The following CDK19 variants were observed in gnomAD, a reference collection of about 807,000 sequenced individuals.
The protein encoded by CDK19 is cyclin dependent kinase 19.
A neutral mutation model predicts 68.3 loss-of-function variants in CDK19; 20 were observed. The observed-to-expected ratio is 0.29, with a 90% CI of 0.21 to 0.43. The LOEUF is 0.43. Among genes scored for constraint, CDK19 ranks in the 20% least tolerant of loss-of-function variants. The probability of loss-of-function intolerance (pLI) is 1.00; values close to 1 mark genes in which losing one functional copy is unlikely to be tolerated. For synonymous variants in CDK19, 221 were observed against 222.8 expected, an observed-to-expected ratio of 0.99 and a Z score of 0.07; for missense variants, 339 against 623.5, an observed-to-expected ratio of 0.54 and a Z score of 4.86.
chr6:110,671,568 T>G (rs1771014489), intron 2 of CDK19, among the ~76,000 whole-genome samples: 1 of 152,172 alleles, frequency 6.6e-6, no homozygotes, highest in Non-Finnish European at 1.5e-5. Context: ...AACCCAAGGC[T>G]CAGTGTGATA....
chr6:110,628,083 C>T (rs1246772201), intron 6 of CDK19, among the ~76,000 whole-genome samples: 5 of 152,160 alleles, frequency 3.3e-5, no homozygotes, highest in East Asian at 1.9e-4. Flanking sequence ...TGGTGGCACA[C>T]GCCTGTAGTC....
chr6:110,665,253 G>C (rs2114396727), intron 4 of CDK19, among the ~76,000 whole-genome samples: 2 of 152,258 alleles, frequency 1.3e-5, no homozygotes, highest in South Asian at 4.1e-4. Context: ...GCCTGAACTA[G>C]GAATGAGGAC....
chr6:110,649,089 T>TAA (rs552439613), intron 4 of CDK19, among the ~76,000 whole-genome samples: 10 of 146,906 alleles, frequency 6.8e-5, no homozygotes, highest in Non-Finnish European at 1.2e-4. Context: ...TTCGATACAG[T>TAA]AAAAAAAAAA....
At chr6:110,718,852 A>C (rs1775608093) in intron 2 of CDK19, among the ~76,000 whole-genome samples, 1 of 152,152 alleles carries the variant, frequency 6.6e-6, no homozygotes, top group Non-Finnish European at 1.5e-5. Context: ...CTGACTGTAA[A>C]GGAACTAAAA....
At chr6:110,729,872 G>A (rs756115263) in intron 2 of CDK19, among the ~76,000 whole-genome samples, 2 of 152,094 alleles carry the variant, frequency 1.3e-5, no homozygotes, top group Non-Finnish European at 2.9e-5. Flanking sequence ...AGCCTCCCAA[G>A]TAGCCAGGAC....
Position 110,737,555 on chromosome 6 carries a change from G to A in CDK19, c.204+8571C>T, listed in dbSNP as rs1006044400. Among the ~76,000 whole-genome samples, 6 of 152,208 alleles carry A rather than the reference G, an allele frequency of 3.9e-5. No individual in the cohort carries two copies. In the South Asian group the frequency reaches 8.3e-4, roughly 21 times the overall value. ...TAGAGCAGACAACAGACAGATACACGATAGGACTGGAGGTTCTATTTGCTC... is the reference window on the plus strand; with the variant it reads ...TAGAGCAGACAACAGACAGATACACAATAGGACTGGAGGTTCTATTTGCTC... On this transcript the variant is annotated intron_variant, in intron 2 of 12. Transcript: ENST00000368911.
intron 2 of CDK19, among the ~76,000 whole-genome samples, chr6:110,705,977 C>A (rs1774432721): frequency 6.6e-6 from 1 of 151,972 alleles, no homozygotes; most frequent in South Asian, 2.1e-4. Flanking sequence ...ACACATGTAT[C>A]CCAGAACTTA....
At chr6:110,710,246 G>T (rs1774843464) in intron 2 of CDK19, among the ~76,000 whole-genome samples, 1 of 152,170 alleles carries the variant, frequency 6.6e-6, no homozygotes, top group Non-Finnish European at 1.5e-5. Context: ...TTCATGCTTT[G>T]TCGAAGTGTC....
rs145471413 is a variant in CDK19, at chr6:110,674,444, G to C, written c.205-3903C>G. ...AAACAGGCTGAAAGCTAGGCCTCTTGCACCAGTTAGCCAAGTTGTGAATGC... is the reference window on the plus strand; with the variant it reads ...AAACAGGCTGAAAGCTAGGCCTCTTCCACCAGTTAGCCAAGTTGTGAATGC... On this transcript the variant is annotated intron_variant, in intron 2 of 12. Coordinates refer to ENST00000368911, the MANE Select transcript of CDK19 (RefSeq NM_015076.5). Among the ~76,000 whole-genome samples the C allele has an allele frequency of 5.9e-5, 9 of 152,280 alleles. No individual in the cohort carries two copies. The East Asian group carries it at 1.7e-3, about 29-fold the overall frequency.
chr6:110,623,226 T>C (rs1778824777), intron 9 of CDK19, 64 bp downstream of exon 9: 9 of 1,315,118 alleles, frequency 6.8e-6, no homozygotes, highest in Non-Finnish European at 9.8e-6. Context: ...GAGGAATAGC[T>C]GAGTAAATAG....
chr6:110,676,170 A>G (rs1476500287), intron 2 of CDK19, among the ~76,000 whole-genome samples: 1 of 152,210 alleles, frequency 6.6e-6, no homozygotes, highest in African/African-American at 2.4e-5. Context: ...GTATCAGTGG[A>G]GGAAGTAAAT....
chr6:110,734,047 A>G lies in CDK19; in HGVS notation c.204+12079T>C, dbSNP rs1313358072. ...TGTTTTTGTTTGTTTTTTTGAGACA[A>G]TCTCCCTCTGTCACCCAGGCTGGAG... On this transcript the variant is annotated intron_variant, in intron 2 of 12. Coordinates refer to ENST00000368911, the MANE Select transcript of CDK19 (RefSeq NM_015076.5). 2.6e-5 allele frequency among the ~76,000 whole-genome samples: 4 copies of G among 151,532 alleles called. No homozygotes were observed. In the East Asian group the frequency reaches 7.7e-4, roughly 29 times the overall value.
At chr6:110,718,783 T>A (rs928136861) in intron 2 of CDK19, among the ~76,000 whole-genome samples, 4 of 151,942 alleles carry the variant, frequency 2.6e-5, no homozygotes, top group African/African-American at 4.8e-5. Context: ...CTAAAAGATA[T>A]ACCAAAATAA....
chr6:110,762,282 C>G (rs778253135), intron 1 of CDK19, among the ~76,000 whole-genome samples: 2 of 152,128 alleles, frequency 1.3e-5, no homozygotes, highest in Non-Finnish European at 2.9e-5. Context: ...TGATTGATTT[C>G]CCTGATCTCT....
chr6:110,803,487 T>C (rs1178684134), intron 1 of CDK19, among the ~76,000 whole-genome samples: 2 of 152,206 alleles, frequency 1.3e-5, no homozygotes, highest in Non-Finnish European at 2.9e-5. Flanking sequence ...TTGATACAAA[T>C]ATACAACAAA....
intron 2 of CDK19, among the ~76,000 whole-genome samples, chr6:110,710,495 T>C (rs1774858865): frequency 1.3e-5 from 2 of 152,240 alleles, no homozygotes; most frequent in Admixed American, 1.3e-4. Flanking sequence ...TCAGTCTGTT[T>C]GGGCTGCTAT....
intron 2 of CDK19, among the ~76,000 whole-genome samples, chr6:110,745,599 T>A (rs1019900540): frequency 6.6e-6 from 1 of 152,196 alleles, no homozygotes; most frequent in African/African-American, 2.4e-5. Flanking sequence ...ATTAAATCAT[T>A]TTGTTCAGTA....
At chr6:110,663,860 A>G (rs905244778) in intron 4 of CDK19, among the ~76,000 whole-genome samples, 7 of 152,194 alleles carry the variant, frequency 4.6e-5, no homozygotes, top group African/African-American at 1.7e-4. Flanking sequence ...TATTAGAGTT[A>G]CTCACTTGAG....
chr6:110,709,630 T>C (rs1447285441), intron 2 of CDK19, among the ~76,000 whole-genome samples: 1 of 152,168 alleles, frequency 6.6e-6, no homozygotes, highest in Admixed American at 6.5e-5. Context: ...TCTTTAGTCA[T>C]GGAAATGCAA....
Sources: gnomAD v4.1 joint callset for allele counts (sites outside exome capture counted in the v4.1 genomes callset) on GRCh38, gnomAD v4.1.1 for gene constraint, MANE v1.5 for transcripts, NCBI Gene and HGNC (gene_info 2026-07-23, HGNC 2026-07-21) for gene names.